The following CAMK1D variants were observed in gnomAD, a reference collection of about 807,000 sequenced individuals.
CAMK1D encodes the protein calcium/calmodulin-dependent protein kinase type 1D.
A neutral mutation model predicts 47.7 loss-of-function variants in CAMK1D; 9 were observed. The observed-to-expected ratio is 0.19, with a 90% confidence interval of 0.11 to 0.33. The LOEUF is 0.33. Among genes scored for constraint, CAMK1D ranks in the 10% least tolerant of loss-of-function variants. The pLI is 1.00. For missense variants in CAMK1D, 291 were observed against 488.7 expected (o/e 0.60, Z 3.81); for synonymous variants, 184 against 184.9 (o/e 0.99, Z 0.04).
intron 1 of CAMK1D, among the ~76,000 whole-genome samples, chr10:12,463,466 A>G (rs1833497669): frequency 6.6e-6 from 1 of 152,024 alleles, no homozygotes; most frequent in Non-Finnish European, 1.5e-5. Context: ...AAATTTATGC[A>G]TAAATATATC....
At chr10:12,585,392 G>A (rs946437431) in intron 2 of CAMK1D, among the ~76,000 whole-genome samples, 1 of 152,194 alleles carries the variant, frequency 6.6e-6, no homozygotes, top group Admixed American at 6.5e-5. Flanking sequence ...TGACCCTGTA[G>A]TTGTTTCTCA....
intron 1 of CAMK1D, among the ~76,000 whole-genome samples, chr10:12,394,823 G>A (rs1362658198): frequency 9.9e-5 from 15 of 152,146 alleles, no homozygotes; most frequent in Admixed American, 9.8e-4. Flanking sequence ...AACATGAGCA[G>A]AACTGAGCCT....
chr10:12,456,322 T>A (rs78164385), intron 1 of CAMK1D, among the ~76,000 whole-genome samples: 3,670 of 152,280 alleles, frequency 0.024, 147 homozygotes, highest in African/African-American at 0.081. Flanking sequence ...CCATATTAAC[T>A]AGGCTTTCAA....
intron 6 of CAMK1D, among the ~76,000 whole-genome samples, chr10:12,796,619 C>T (rs934313497): frequency 2.6e-5 from 4 of 152,088 alleles, no homozygotes. Flanking sequence ...AGCGTGGTCA[C>T]CGAGCCCCAA....
chr10:12,733,110 CA>C (rs1834971785), intron 3 of CAMK1D, among the ~76,000 whole-genome samples: 1 of 152,238 alleles, frequency 6.6e-6, no homozygotes, highest in Non-Finnish European at 1.5e-5. Context: ...CAGTCCAGAG[CA>C]AAGTGGCAGT....
At chr10:12,492,835 A>G (rs538693778) in intron 1 of CAMK1D, among the ~76,000 whole-genome samples, 2 of 152,284 alleles carry the variant, frequency 1.3e-5, no homozygotes, top group Admixed American at 1.3e-4. Context: ...CGAGCTGTAC[A>G]CAAGAACGGC....
intron 2 of CAMK1D, among the ~76,000 whole-genome samples, chr10:12,629,934 G>A (rs982741890): frequency 1.3e-5 from 2 of 152,210 alleles, no homozygotes; most frequent in Non-Finnish European, 2.9e-5. Flanking sequence ...GTCCAGTGAT[G>A]TATACGATAG....
intron 3 of CAMK1D, among the ~76,000 whole-genome samples, chr10:12,757,928 C>T (rs564783202): frequency 1.2e-4 from 18 of 150,492 alleles, no homozygotes; most frequent in Non-Finnish European, 1.5e-4. Context: ...CTCGGCTCAC[C>T]GCAATCTCTG....
intron 1 of CAMK1D, among the ~76,000 whole-genome samples, chr10:12,521,536 A>G (rs1255773150): frequency 6.6e-6 from 1 of 152,138 alleles, no homozygotes; most frequent in East Asian, 1.9e-4. Flanking sequence ...ATCTTGTTGA[A>G]TGTTCCATGT....
intron 1 of CAMK1D, among the ~76,000 whole-genome samples, chr10:12,436,966 C>T (rs180979930): frequency 2.2e-4 from 33 of 152,228 alleles, no homozygotes; most frequent in African/African-American, 7.9e-4. Flanking sequence ...GCACCAGGGG[C>T]AGGGCGCAGA....
intron 3 of CAMK1D, among the ~76,000 whole-genome samples, chr10:12,705,528 C>T (rs913861234): frequency 6.6e-6 from 1 of 152,080 alleles, no homozygotes; most frequent in African/African-American, 2.4e-5. Context: ...TAATAAACAT[C>T]TTGTTTTATG....
intron 2 of CAMK1D, among the ~76,000 whole-genome samples, chr10:12,620,504 T>C (rs1285390407): frequency 6.6e-6 from 1 of 152,270 alleles, no homozygotes; most frequent in Non-Finnish European, 1.5e-5. Context: ...TTAATTTGCA[T>C]TTCCCTAATG....
At chr10:12,598,506 T>A (rs1838209002) in intron 2 of CAMK1D, among the ~76,000 whole-genome samples, 1 of 152,218 alleles carries the variant, frequency 6.6e-6, no homozygotes, top group South Asian at 2.1e-4. Flanking sequence ...AGCAGTCTCA[T>A]TTTCAAAGGA....
At chr10:12,555,897 C>G (rs966980424) in intron 2 of CAMK1D, among the ~76,000 whole-genome samples, 5 of 152,134 alleles carry the variant, frequency 3.3e-5, no homozygotes, top group African/African-American at 1.2e-4. Context: ...ATAAACCAGT[C>G]CTGTTGATGC....
intron 3 of CAMK1D, chr10:12,760,562 C>T (rs558707384): frequency 2.8e-4 from 46 of 164,082 alleles, no homozygotes; most frequent in African/African-American, 1.0e-3. Context: ...ACAACACTCT[C>T]GGTCATTTAA....
intron 3 of CAMK1D, among the ~76,000 whole-genome samples, chr10:12,710,503 C>T (rs1564510440): frequency 3.9e-5 from 6 of 152,348 alleles, no homozygotes. Flanking sequence ...GCCTTCGATA[C>T]AGTCTTTTGT....
intron 1 of CAMK1D, among the ~76,000 whole-genome samples, chr10:12,484,212 T>C (rs1051598647): frequency 2.6e-5 from 4 of 152,202 alleles, no homozygotes; most frequent in Non-Finnish European, 5.9e-5. Context: ...CTCAGCCTCC[T>C]CCCTGCTTTC....
At chr10:12,629,149 G>A (rs1839308104) in intron 2 of CAMK1D, among the ~76,000 whole-genome samples, 1 of 152,160 alleles carries the variant, frequency 6.6e-6, no homozygotes, top group Non-Finnish European at 1.5e-5. Context: ...GGGAGCTTTT[G>A]TTCAGTGGCT....
chr10:12,644,326 AT>A (rs779974966), intron 2 of CAMK1D, among the ~76,000 whole-genome samples: 7 of 152,244 alleles, frequency 4.6e-5, no homozygotes, highest in Non-Finnish European at 1.0e-4. Flanking sequence ...AGTCAAAAAA[AT>A]AAATACAACC....
Sources: allele counts gnomAD v4.1 joint callset (sites outside exome capture counted in the v4.1 genomes callset), GRCh38; gene constraint gnomAD v4.1.1; transcripts MANE v1.5; gene names NCBI Gene and HGNC (gene_info 2026-07-23, HGNC 2026-07-21).